The following DPP6 variants were observed in gnomAD, a reference collection of about 807,000 sequenced individuals.
The protein encoded by DPP6 is dipeptidyl peptidase like 6.
Under a neutral mutation model 122.6 loss-of-function variants are expected in DPP6, and 69 were observed. The ratio of observed to expected loss-of-function variants is 0.56; its 90% CI spans 0.46 to 0.69. DPP6 has a LOEUF of 0.69. DPP6 is among the 30% of genes least tolerant of loss of function. DPP6 has a pLI of 0.00. For synonymous variants in DPP6, 418 were observed against 433.1 expected, an observed-to-expected ratio of 0.97 and a Z score of 0.43; for missense variants, 928 against 1,116.9, an observed-to-expected ratio of 0.83 and a Z score of 2.41.
rs770808211 is a variant in DPP6 at position 154,833,740 on chromosome 7, G to A, written c.1667-20040G>A. Among the ~76,000 whole-genome samples the A allele has an allele frequency of 3.3e-5, 5 of 152,200 alleles. No homozygotes were observed. Among genetic ancestry groups the A allele is most frequent in the Non-Finnish European group, 5.9e-5 (4 of 68,036 alleles). On this transcript the variant is annotated intron_variant, in intron 16 of 25. Transcript: ENST00000377770. The surrounding 1 kb of genome is among the most constrained non-coding windows in gnomAD (Gnocchi z 4.3). ...TTCACATAGCCACCAGTTAATAGCAGCTGATGAGTTTCCATTCTGTGCAAA... is the reference window on the plus strand; with the variant it reads ...TTCACATAGCCACCAGTTAATAGCAACTGATGAGTTTCCATTCTGTGCAAA...
chr7:154,079,403 A>G (rs1363919356), intron 1 of DPP6, among the ~76,000 whole-genome samples: 4 of 152,150 alleles, frequency 2.6e-5, no homozygotes, highest in Admixed American at 1.3e-4. Flanking sequence ...ACCTGTGGAG[A>G]AAAGTTAAGT....
intron 5 of DPP6, among the ~76,000 whole-genome samples, chr7:154,572,489 G>A (rs1008288689): frequency 1.4e-5 from 2 of 147,374 alleles, no homozygotes; most frequent in African/African-American, 2.5e-5. Context: ...CTGAGTATAT[G>A]AGTTTCTTTT....
Position 154,618,856 on chromosome 7 carries a change from T to A in DPP6, c.628-18965T>A, listed in dbSNP as rs1044953114. On this transcript the variant is annotated intron_variant, in intron 5 of 25. Transcript: ENST00000377770. The surrounding 1 kb of genome is among the most constrained non-coding windows in gnomAD (Gnocchi z 4.1). ...ACTTGCCCAGAGTTACACACTGATA[T>A]GGTTTAGCTGTGTCCCCACCCAAAT... 6.6e-6 allele frequency among the ~76,000 whole-genome samples: 1 copy of A among 152,356 alleles called. No homozygotes were observed. The highest frequency in any genetic ancestry group is 1.9e-4 in the East Asian group (1 of 5,188).
Position 154,525,234 on chromosome 7 carries a change from C to T in DPP6, c.458-15298C>T, listed in dbSNP as rs1827307864. Among the ~76,000 whole-genome samples the T allele has an allele frequency of 2.0e-5, 3 of 152,206 alleles. 1 individual carries two copies. The South Asian group carries it at 6.2e-4, about 31-fold the overall frequency. ...TCATAGCTCATTGCAGCCTCAAACT[C>T]CTGAGCTCAAGAAATCCTTCCACTT... On this transcript the variant is annotated intron_variant, in intron 3 of 25. Transcript: ENST00000377770.
chr7:153,938,512 T>C (rs1801559276), intron 1 of DPP6, among the ~76,000 whole-genome samples: 1 of 152,166 alleles, frequency 6.6e-6, no homozygotes, highest in Non-Finnish European at 1.5e-5. Context: ...TGCCTGTAGG[T>C]GACTAGATGC....
chr7:154,538,077 A>G (rs1298272596), intron 3 of DPP6, among the ~76,000 whole-genome samples: 1 of 152,190 alleles, frequency 6.6e-6, no homozygotes, highest in Non-Finnish European at 1.5e-5. Context: ...TTAAAGATAC[A>G]TAAATATGTG....
intron 1 of DPP6, among the ~76,000 whole-genome samples, chr7:154,180,972 A>T (rs1481670573): frequency 6.6e-6 from 1 of 152,192 alleles, no homozygotes; most frequent in Non-Finnish European, 1.5e-5. Context: ...TTTAAAGAGG[A>T]AATACTAGAA....
chr7:153,844,238 C>A, the DPP6 span, among the ~76,000 whole-genome samples: 2 of 152,188 alleles, frequency 1.3e-5, no homozygotes, highest in African/African-American at 4.8e-5. Context: ...ATCTTTTATT[C>A]TGTAGCAGTA....
intron 6 of DPP6, among the ~76,000 whole-genome samples, chr7:154,655,377 G>T (rs989497781): frequency 1.3e-5 from 2 of 152,086 alleles, no homozygotes; most frequent in African/African-American, 4.8e-5. Context: ...TGGATTGTGT[G>T]ATTATTTTGA....
chr7:154,664,612 A>G (rs1190037505), intron 6 of DPP6, among the ~76,000 whole-genome samples: 3 of 150,718 alleles, frequency 2.0e-5, no homozygotes, highest in Non-Finnish European at 2.9e-5. Flanking sequence ...TTGTTTGTTC[A>G]TAGGCACATA....
At chr7:154,871,095 C>T (rs1584944050) in intron 18 of DPP6, among the ~76,000 whole-genome samples, 1 of 152,162 alleles carries the variant, frequency 6.6e-6, no homozygotes. Flanking sequence ...AGACTGTCAC[C>T]CTGGCAAGAT....
chr7:154,314,564 G>C (rs961576246), intron 1 of DPP6, among the ~76,000 whole-genome samples: 1 of 152,210 alleles, frequency 6.6e-6, no homozygotes, highest in Admixed American at 6.5e-5. Flanking sequence ...GGTGGTGAAC[G>C]TGCTGGCTTA....
chr7:154,355,611 T>C (rs559918032), intron 1 of DPP6, among the ~76,000 whole-genome samples: 169 of 152,288 alleles, frequency 1.1e-3, no homozygotes, highest in Middle Eastern at 3.4e-3. Context: ...CCCCATACAG[T>C]GAAGACACCA....
chr7:154,413,466 T>C (rs1281444335), intron 1 of DPP6, among the ~76,000 whole-genome samples: 1 of 152,032 alleles, frequency 6.6e-6, no homozygotes, highest in Non-Finnish European at 1.5e-5. Context: ...TAATTTTTGT[T>C]CCATTTCACC....
chr7:154,662,699 A>T (rs1407868196), intron 6 of DPP6, among the ~76,000 whole-genome samples: 1 of 100,922 alleles, frequency 9.9e-6, no homozygotes, highest in Non-Finnish European at 2.1e-5. Flanking sequence ...CGTAGTGTTC[A>T]TATAGTCATG....
intron 1 of DPP6, among the ~76,000 whole-genome samples, chr7:154,064,259 C>T (rs180714435): frequency 2.2e-4 from 33 of 152,276 alleles, no homozygotes; most frequent in African/African-American, 7.5e-4. Flanking sequence ...ATTGCACTGG[C>T]CCGTCCTGCC....
At chr7:154,806,564 T>A (rs1287649054) in intron 15 of DPP6, among the ~76,000 whole-genome samples, 1 of 152,188 alleles carries the variant, frequency 6.6e-6, no homozygotes, top group African/African-American at 2.4e-5. Flanking sequence ...CATGCCAGCG[T>A]TTGGAACCCA....
At chr7:153,765,546 A>G in the DPP6 span, among the ~76,000 whole-genome samples, 1 of 121,686 alleles carries the variant, frequency 8.2e-6, no homozygotes, top group African/African-American at 3.0e-5. Context: ...TCATGTAAAA[A>G]AACAAAAAAA....
chr7:153,961,556 C>G (rs922779841), intron 1 of DPP6, among the ~76,000 whole-genome samples: 19 of 150,914 alleles, frequency 1.3e-4, no homozygotes, highest in Non-Finnish European at 2.4e-4. Context: ...TTTCCATGGA[C>G]CGGGGAGTGG....
Sources: gnomAD v4.1 joint callset for allele counts (sites outside exome capture counted in the v4.1 genomes callset) on GRCh38, gnomAD v4.1.1 for gene constraint, Gnocchi (gnomAD v3.1) non-coding constraint, MANE v1.5 for transcripts, NCBI Gene and HGNC (gene_info 2026-07-23, HGNC 2026-07-21) for gene names.